Variants in TXNL4B observed in about 807,000 individuals in gnomAD.
TXNL4B encodes thioredoxin-like protein 4B.
TXNL4B carries 12 observed loss-of-function variants against 13.0 expected under a neutral mutation model. The observed-to-expected ratio is 0.92, with a 90% CI of 0.59 to 1.49. TXNL4B has a LOEUF of 1.49. Ranked by LOEUF, TXNL4B falls within the 40% of genes most tolerant of loss-of-function variation. The pLI is 0.00. For synonymous variants in TXNL4B, 59 were observed against 58.9 expected (o/e 1.00, Z -0.01); for missense variants, 214 against 173.6 (o/e 1.23, Z -1.31).
intron 2 of TXNL4B, among the ~76,000 whole-genome samples, chr16:72,089,578 C>T (rs1297723653): frequency 6.6e-6 from 1 of 152,198 alleles, no homozygotes; most frequent in East Asian, 1.9e-4. Context: ...GAATCTATTT[C>T]TTCCTTTAAT....
intron 2 of TXNL4B, among the ~76,000 whole-genome samples, chr16:72,089,517 T>G (rs1426404265): frequency 6.6e-6 from 1 of 152,202 alleles, no homozygotes; most frequent in Non-Finnish European, 1.5e-5. Flanking sequence ...TTTCTACTGC[T>G]GCCATCCCGT....
At position 72,089,014 on chromosome 16, in the gene TXNL4B, T is replaced by C. The variant is rs375591789; in HGVS notation, c.257A>G (p.Asn86Ser). ...SYIPSTVFFFNGQHMKVDYGS... is the reference protein window; with the variant it reads ...SYIPSTVFFFSGQHMKVDYGS... ...ATAATCCACTTTCATATGCTGCCCA[T>C]TGAAGAAAAAGACAGTAGATGGAAT... Residue 86 changes from asparagine (N) to serine (S), a missense_variant, in exon 3 of 4, where the codon AAT (asparagine) becomes AGT (serine). Asn to Ser is a conservative substitution (Grantham distance 46). Transcript: ENST00000268483. 1.2e-5 allele frequency: 20 copies of C among 1,611,128 alleles called. No homozygotes were observed. The highest frequency in any genetic ancestry group is 5.5e-5 in the South Asian group (5 of 90,828).
chr16:72,090,721 C>G lies in TXNL4B; in HGVS notation c.29G>C (p.Ser10Thr). The change falls in exon 2 of 4, where the codon AGC (serine) becomes ACC (threonine). Residue 10 changes from serine to threonine, a missense_variant. Physicochemically the swap from Ser to Thr is moderately conservative, Grantham distance 58. Transcript: ENST00000268483. MSFLLPKLT[S>T]KKEVDQAIKS... ...TATCGCCTGGTCTACTTCCTTTTTG[C>G]TAGTCAGCTTGGGCAGTAGGAAGCT... 6.2e-7 allele frequency: 1 copy of G among 1,614,146 alleles called. No homozygotes were observed. Among genetic ancestry groups the G allele is most frequent in the South Asian group, 1.1e-5 (1 of 91,088 alleles).
At chr16:72,088,013 GT>G (rs1189276285) in intron 3 of TXNL4B, among the ~76,000 whole-genome samples, 1 of 152,208 alleles carries the variant, frequency 6.6e-6, no homozygotes. Flanking sequence ...TAGAGACAGG[GT>G]TTCACTGTGT....
chr16:72,088,262 C>G (rs1473240409), intron 3 of TXNL4B, among the ~76,000 whole-genome samples: 1 of 152,176 alleles, frequency 6.6e-6, no homozygotes, highest in South Asian at 2.1e-4. Context: ...CTATGCCCAG[C>G]CTAAAACACT....
At chr16:72,087,311 T>A (rs2041837055) in intron 3 of TXNL4B, 1 of 151,354 alleles carries the variant, frequency 6.6e-6, no homozygotes, top group African/African-American at 2.5e-5. Context: ...CTTTTCAGTG[T>A]CTATCCTTCC....
chr16:72,090,496 G>A, intron 2 of TXNL4B, 122 bp downstream of exon 2: 3 of 965,058 alleles, frequency 3.1e-6, no homozygotes, highest in Non-Finnish European at 4.6e-6. Flanking sequence ...AGCTCTTAGT[G>A]AACTAACAAA....
At chr16:72,088,858 G>A (rs111616830) in intron 3 of TXNL4B, 129 bp downstream of exon 3, 34 of 589,534 alleles carry the variant, frequency 5.8e-5, no homozygotes, top group African/African-American at 3.2e-4. Flanking sequence ...TAGAGAGTGC[G>A]TCAATTGGGG....
rs1369468390 is a variant in TXNL4B, at chr16:72,090,829, G to A, written c.-37-43C>T. 3.9e-6 allele frequency: 6 copies of A among 1,522,352 alleles called. No homozygotes were observed. In the African/African-American group the frequency reaches 8.3e-5, roughly 21 times the overall value. The allele number at this position is 1,522,352 out of a possible 1,614,324, so 94.3% of individuals were successfully genotyped here. Reference sequence around the variant, plus strand: ...TGTTTAAAGACAGTTTAGATTAAGTGCGTGAGCCCTCATTAAAAAAAATTA... The same window carrying A: ...TGTTTAAAGACAGTTTAGATTAAGTACGTGAGCCCTCATTAAAAAAAATTA... On this transcript the variant is annotated intron_variant, in intron 1 of 3. Transcript: ENST00000268483.
At chr16:72,089,280 C>T in intron 2 of TXNL4B, 142 bp from the exon 3 acceptor site, 1 of 650,996 alleles carries the variant, frequency 1.5e-6, no homozygotes, top group Non-Finnish European at 2.6e-6. Context: ...CCACATTAGA[C>T]AAAGCATAAC....
intron 3 of TXNL4B, among the ~76,000 whole-genome samples, chr16:72,087,636 C>T (rs1453825353): frequency 7.4e-6 from 1 of 135,072 alleles, no homozygotes; most frequent in African/African-American, 3.2e-5. Flanking sequence ...GAATAAACAG[C>T]TTTAAAATAC....
intron 2 of TXNL4B, 85 bp from the exon 3 acceptor site, chr16:72,089,223 T>C (rs991380873): frequency 7.8e-7 from 1 of 1,286,632 alleles, no homozygotes; most frequent in South Asian, 1.4e-5. Context: ...CAACAGAGTG[T>C]TTTGTTTGAA....
chr16:72,090,625 T>C lies in TXNL4B; in HGVS notation c.125A>G (p.Asp42Gly). The stretch of plus-strand genomic sequence containing the variant: ...TTTTAGACATTCACTTACAATATCA[T>C]CTAGCTGCAGACAGACAGGATCTTC... ...RDEDPVCLQL[D>G]DILSKTSSDL... The change falls in exon 2 of 4, where the codon GAT becomes GGT. Residue 42 changes from aspartate (D) to glycine (G), a missense_variant. Physicochemically the swap from Asp to Gly is moderately conservative, Grantham distance 94. Transcript: ENST00000268483. The C allele has an allele frequency of 6.2e-7, 1 of 1,613,824 alleles. No homozygotes were observed. Among genetic ancestry groups the C allele is most frequent in the Non-Finnish European group, 8.5e-7 (1 of 1,179,934 alleles).
chr16:72,088,003 T>C (rs889355417), intron 3 of TXNL4B, among the ~76,000 whole-genome samples: 8 of 152,196 alleles, frequency 5.3e-5, no homozygotes, highest in African/African-American at 1.4e-4. Flanking sequence ...GTATTTTTAG[T>C]AGAGACAGGG....
chr16:72,090,619 A>T lies in TXNL4B; in HGVS notation c.131T>A (p.Ile44Asn). The T allele has an allele frequency of 6.2e-7, 1 of 1,613,668 alleles. No individual in the cohort carries two copies. Among genetic ancestry groups the T allele is most frequent in the Non-Finnish European group, 8.5e-7 (1 of 1,179,886 alleles). Residue 44 changes from isoleucine to asparagine, a missense_variant and splice_region_variant, in exon 2 of 4, where the codon ATT (isoleucine) becomes AAT (asparagine). Transcript: ENST00000268483. ...CAATTATTTTAGACATTCACTTACA[A>T]TATCATCTAGCTGCAGACAGACAGG... ...EDPVCLQLDD[I>N]LSKTSSDLSK...
intron 2 of TXNL4B, 67 bp from the exon 3 acceptor site, chr16:72,089,205 T>C: frequency 2.1e-6 from 3 of 1,409,380 alleles, no homozygotes; most frequent in Non-Finnish European, 2.9e-6. Flanking sequence ...CTGTGAAACT[T>C]GTTACTACAA....
At chr16:72,087,952 C>T (rs541781763) in intron 3 of TXNL4B, among the ~76,000 whole-genome samples, 115 of 152,174 alleles carry the variant, frequency 7.6e-4, no homozygotes, top group African/African-American at 2.4e-3. Context: ...CCAGAGTAGC[C>T]GGGACTACAT....
chr16:72,089,415 T>C (rs942646809), intron 2 of TXNL4B, among the ~76,000 whole-genome samples: 4 of 152,142 alleles, frequency 2.6e-5, no homozygotes, highest in Non-Finnish European at 5.9e-5. Flanking sequence ...TGGGGAAAAC[T>C]GTGTGAGTTT....
chr16:72,090,875 A>G (rs895482484), intron 1 of TXNL4B, 89 bp from the exon 2 acceptor site: 2 of 1,031,902 alleles, frequency 1.9e-6, no homozygotes, highest in African/African-American at 1.6e-5. Context: ...TAGCTAATGT[A>G]TTCACATGGT....
Sources: gnomAD v4.1 joint callset for allele counts (sites outside exome capture counted in the v4.1 genomes callset) on GRCh38, gnomAD v4.1.1 for gene constraint, MANE v1.5 for transcripts, NCBI Gene and HGNC (gene_info 2026-07-23, HGNC 2026-07-21) for gene names.